Variants in TMEM178B observed in about 807,000 individuals in gnomAD.
TMEM178B encodes transmembrane protein 178B.
A neutral mutation model predicts 31.0 loss-of-function variants in TMEM178B; 5 were observed. The ratio of observed to expected loss-of-function variants is 0.16; its 90% confidence interval spans 0.08 to 0.34. The LOEUF (loss-of-function observed/expected upper bound fraction) is 0.34. Among genes scored for constraint, TMEM178B ranks in the 10% least tolerant of loss-of-function variants. The pLI is 1.00. For missense variants in TMEM178B, 275 were observed against 400.3 expected, an observed-to-expected ratio of 0.69 and a Z score of 2.67; for synonymous variants, 164 against 164.0, an observed-to-expected ratio of 1.00 and a Z score of 0.00.
At chr7:141,353,066 T>G (rs1799762206) in intron 2 of TMEM178B, among the ~76,000 whole-genome samples, 1 of 152,084 alleles carries the variant, frequency 6.6e-6, no homozygotes, top group African/African-American at 2.4e-5. Flanking sequence ...GATTTTGCTT[T>G]TAAATGCCTC....
intron 2 of TMEM178B, among the ~76,000 whole-genome samples, chr7:141,363,169 G>A (rs930416316): frequency 1.3e-5 from 2 of 152,238 alleles, no homozygotes; most frequent in African/African-American, 4.8e-5. Flanking sequence ...GCGAGCGAGT[G>A]TTAATGTGAG....
At chr7:141,465,182 A>T (rs1460337431) in intron 3 of TMEM178B, among the ~76,000 whole-genome samples, 1 of 152,164 alleles carries the variant, frequency 6.6e-6, no homozygotes, top group Non-Finnish European at 1.5e-5. Flanking sequence ...GGGGATGCAT[A>T]CGGACTCTTT....
chr7:141,387,912 G>T (rs932825582), intron 2 of TMEM178B, among the ~76,000 whole-genome samples: 1 of 151,930 alleles, frequency 6.6e-6, no homozygotes, highest in Non-Finnish European at 1.5e-5. Flanking sequence ...CCCCTTTCCC[G>T]CAGGCAGCCC....
chr7:141,196,463 C>A (rs1025374885), intron 1 of TMEM178B, among the ~76,000 whole-genome samples: 2 of 152,186 alleles, frequency 1.3e-5, no homozygotes, highest in Admixed American at 1.3e-4. Context: ...TCTATTTCCC[C>A]TGTCTTTACC....
At chr7:141,377,610 G>A (rs1800241668) in intron 2 of TMEM178B, among the ~76,000 whole-genome samples, 1 of 151,986 alleles carries the variant, frequency 6.6e-6, no homozygotes, top group Non-Finnish European at 1.5e-5. Flanking sequence ...GGTGGAAGTT[G>A]CAGTGAGCCA....
At chr7:141,260,904 A>G (rs1586856281) in intron 2 of TMEM178B, among the ~76,000 whole-genome samples, 1 of 152,320 alleles carries the variant, frequency 6.6e-6, no homozygotes, top group East Asian at 1.9e-4. Context: ...TTTCCATTGG[A>G]AAATTACAGA....
intron 2 of TMEM178B, among the ~76,000 whole-genome samples, chr7:141,377,316 T>C (rs766783834): frequency 6.6e-6 from 1 of 151,916 alleles, no homozygotes; most frequent in Non-Finnish European, 1.5e-5. Context: ...CCCTAGCAGC[T>C]GGGATTACAG....
chr7:141,116,138 A>G (rs1381848055), intron 1 of TMEM178B, among the ~76,000 whole-genome samples: 1 of 152,202 alleles, frequency 6.6e-6, no homozygotes, highest in Non-Finnish European at 1.5e-5. Context: ...AACCACTGAG[A>G]AACCTTTGTT....
intron 2 of TMEM178B, among the ~76,000 whole-genome samples, chr7:141,258,933 G>A (rs1797972094): frequency 6.6e-6 from 1 of 152,154 alleles, no homozygotes; most frequent in Admixed American, 6.5e-5. Flanking sequence ...TAATGAGCCT[G>A]AGTGTGGACA....
intron 2 of TMEM178B, among the ~76,000 whole-genome samples, chr7:141,313,765 A>G (rs1798953615): frequency 6.6e-6 from 1 of 151,986 alleles, no homozygotes; most frequent in African/African-American, 2.4e-5. Flanking sequence ...CAAACTGGAC[A>G]TATTTTTATG....
intron 1 of TMEM178B, among the ~76,000 whole-genome samples, chr7:141,105,787 A>G (rs1379598097): frequency 6.6e-6 from 1 of 152,170 alleles, no homozygotes; most frequent in Non-Finnish European, 1.5e-5. Flanking sequence ...GCCTTTTAAT[A>G]GAGCCTTTAA....
At chr7:141,163,474 T>C (rs1197809112) in intron 1 of TMEM178B, among the ~76,000 whole-genome samples, 1 of 152,122 alleles carries the variant, frequency 6.6e-6, no homozygotes, top group African/African-American at 2.4e-5. Flanking sequence ...ATTAATGCAG[T>C]CTACCACAGA....
intron 2 of TMEM178B, among the ~76,000 whole-genome samples, chr7:141,433,799 C>T (rs1369517480): frequency 1.3e-5 from 2 of 152,216 alleles, no homozygotes; most frequent in African/African-American, 2.4e-5. Flanking sequence ...TGAGTTACCA[C>T]ATAGGTCTAA....
At chr7:141,183,349 A>G (rs563956137) in intron 1 of TMEM178B, among the ~76,000 whole-genome samples, 16 of 152,328 alleles carry the variant, frequency 1.1e-4, no homozygotes, top group African/African-American at 2.9e-4. Context: ...ATTGTTGAAA[A>G]TGCACAGGAA....
At chr7:141,230,021 C>T (rs888582516) in intron 2 of TMEM178B, among the ~76,000 whole-genome samples, 8 of 151,986 alleles carry the variant, frequency 5.3e-5, no homozygotes, top group African/African-American at 9.7e-5. Context: ...AAGCATTTTC[C>T]CTTGTCATCA....
chr7:141,355,228 G>A (rs950899383), intron 2 of TMEM178B, among the ~76,000 whole-genome samples: 2 of 152,112 alleles, frequency 1.3e-5, no homozygotes, highest in African/African-American at 4.8e-5. Flanking sequence ...TGCTAATATT[G>A]TCAGGGCTTT....
the TMEM178B span, among the ~76,000 whole-genome samples, chr7:141,488,688 T>A: frequency 6.6e-6 from 1 of 152,162 alleles, no homozygotes; most frequent in Admixed American, 6.5e-5. Context: ...TCTGCCTGCC[T>A]CAGCCTCCCA....
At chr7:141,142,362 G>A (rs943878995) in intron 1 of TMEM178B, among the ~76,000 whole-genome samples, 6 of 142,718 alleles carry the variant, frequency 4.2e-5, no homozygotes, top group African/African-American at 1.8e-4. Context: ...GAACATATAA[G>A]TACATGTGTA....
At chr7:141,263,313 G>T (rs1261100926) in intron 2 of TMEM178B, among the ~76,000 whole-genome samples, 1 of 152,134 alleles carries the variant, frequency 6.6e-6, no homozygotes, top group African/African-American at 2.4e-5. Flanking sequence ...TGAGGACCAG[G>T]CTCAGTGGAA....
Sources: gnomAD v4.1 joint callset for allele counts (sites outside exome capture counted in the v4.1 genomes callset) on GRCh38, gnomAD v4.1.1 for gene constraint, MANE v1.5 for transcripts, NCBI Gene and HGNC (gene_info 2026-07-23, HGNC 2026-07-21) for gene names.